Variants in BIRC3 observed in about 807,000 individuals in gnomAD.
The protein encoded by BIRC3 is baculoviral IAP repeat containing 3.
In BIRC3, 26 loss-of-function variants were observed where a neutral mutation model predicts 59.0. The observed-to-expected ratio is 0.44, with a 90% CI of 0.32 to 0.61. The LOEUF is 0.61. Ranked by LOEUF, BIRC3 falls within the 20% of genes least tolerant of loss-of-function variation. BIRC3 has a pLI of 0.04. For missense variants in BIRC3, 641 were observed against 711.5 expected (o/e 0.90, Z 1.13); for synonymous variants, 243 against 249.2 (o/e 0.98, Z 0.24).
At chr11:102,329,950 GA>G (rs1321085540) in intron 5 of BIRC3, among the ~76,000 whole-genome samples, 1 of 152,054 alleles carries the variant, frequency 6.6e-6, no homozygotes, top group East Asian at 1.9e-4. Flanking sequence ...TTAAAAAAAG[GA>G]AAAAAAGAAT....
At chr11:102,330,924 G>T (rs559679880) in intron 5 of BIRC3, 75 bp from the exon 6 acceptor site, 201 of 1,403,316 alleles carry the variant, frequency 1.4e-4, no homozygotes, top group Non-Finnish European at 1.7e-4. Flanking sequence ...TTCAATTTTT[G>T]ATTTCATTTC....
At position 102,325,274 on chromosome 11, in the gene BIRC3, T is replaced by C. The variant is rs967841484; in HGVS notation, c.765T>C (p.His255=). Residue 255 remains histidine, a synonymous_variant, in exon 2 of 9, where the codon CAT becomes CAC. Coordinates refer to ENST00000263464, the MANE Select transcript of BIRC3 (RefSeq NM_001165.5). ...YTVSNLSMQT[H]AARFKTFFNW... ...TTTCTAATCTGAGCATGCAGACACATGCAGCCCGCTTTAAAACATTCTTTA... is the reference window on the plus strand; with the variant it reads ...TTTCTAATCTGAGCATGCAGACACACGCAGCCCGCTTTAAAACATTCTTTA... The C allele has an allele frequency of 1.9e-6, 3 of 1,614,192 alleles. No homozygotes were observed.
chr11:102,329,790 G>A (rs1951120908), intron 5 of BIRC3, among the ~76,000 whole-genome samples: 2 of 152,160 alleles, frequency 1.3e-5, no homozygotes, highest in South Asian at 2.1e-4. Flanking sequence ...CTGTTGTGGG[G>A]TAGGGGGATG....
chr11:102,331,951 T>A (rs866213332), intron 6 of BIRC3, among the ~76,000 whole-genome samples: 2 of 152,186 alleles, frequency 1.3e-5, no homozygotes, highest in African/African-American at 4.8e-5. Flanking sequence ...GGATGGTTAT[T>A]AATTTTAATG....
Position 102,325,281 on chromosome 11 carries a change from C to G in BIRC3, c.772C>G (p.Arg258Gly). Residue 258 changes from arginine to glycine, a missense_variant, in exon 2 of 9, where the codon CGC (arginine) becomes GGC (glycine). Physicochemically the swap from Arg to Gly is moderately radical, Grantham distance 125. Transcript: ENST00000263464. ...TCTGAGCATGCAGACACATGCAGCC[C>G]GCTTTAAAACATTCTTTAACTGGCC... ...SNLSMQTHAA[R>G]FKTFFNWPSS... 6.2e-7 allele frequency: 1 copy of G among 1,614,078 alleles called. No homozygotes were observed. The highest frequency in any genetic ancestry group is 8.5e-7 in the Non-Finnish European group (1 of 1,180,006).
chr11:102,321,948 C>G lies in BIRC3; in HGVS notation c.-2562C>G, dbSNP rs1019190191. ...TCCTTAAAGGGACTTAGTCTAATCT[C>G]GGGAGGTAGTTTTGTGCATGGGTAA... On this transcript the variant is annotated 5_prime_UTR_variant, in exon 2 of 9. Coordinates refer to ENST00000263464, the MANE Select transcript of BIRC3 (RefSeq NM_001165.5). The G allele has an allele frequency of 7.9e-5, 15 of 189,602 alleles. No homozygotes were observed. Among genetic ancestry groups the G allele is most frequent in the Non-Finnish European group, 1.7e-4 (15 of 90,368 alleles). The allele number at this position is 189,602 out of a possible 1,614,324, so 11.7% of individuals were successfully genotyped here.
Position 102,322,189 on chromosome 11 carries a change from G to A in BIRC3, c.-2321G>A, listed in dbSNP as rs1591519183. The A allele has an allele frequency of 4.8e-6, 1 of 206,506 alleles. No individual in the cohort carries two copies. Among genetic ancestry groups the A allele is most frequent in the South Asian group, 1.9e-4 (1 of 5,300 alleles). 12.8% of individuals were successfully genotyped at this position (206,506 alleles called of 1,614,324 possible). A position where few individuals can be genotyped will look rare whatever the true frequency, so the allele number is the denominator to read the frequency against. On this transcript the variant is annotated 5_prime_UTR_variant, in exon 2 of 9. Transcript: ENST00000263464. ...GCACATTCTCCCATTATGTAGAATA[G>A]AAATAGTACCTGTGTTTGGGAAAGA...
chr11:102,321,987 T>C lies in BIRC3; in HGVS notation c.-2523T>C, dbSNP rs926280355. ...GTGCATGGGTAAACAAATTAAGTAT[T>C]AACTGGTGTTTTACTATCCAAAGAA... On this transcript the variant is annotated 5_prime_UTR_variant, in exon 2 of 9. An upstream open reading frame in the 5' UTR loses its in-frame stop. Coordinates refer to ENST00000263464, the MANE Select transcript of BIRC3 (RefSeq NM_001165.5). The C allele has an allele frequency of 2.1e-5, 4 of 192,796 alleles. No homozygotes were observed. The highest frequency in any genetic ancestry group is 3.3e-5 in the Non-Finnish European group (3 of 92,192). The allele number at this position is 192,796 out of a possible 1,614,324, so 11.9% of individuals were successfully genotyped here.
chr11:102,318,168 C>T (rs888519548), intron 1 of BIRC3, among the ~76,000 whole-genome samples: 1 of 152,142 alleles, frequency 6.6e-6, no homozygotes, highest in African/African-American at 2.4e-5. Flanking sequence ...CTGCTATGTG[C>T]TAGGTTTGTC....
chr11:102,336,855 T>A lies in BIRC3; in HGVS notation c.1621+54T>A, dbSNP rs1777227676. Reference sequence around the variant, plus strand: ...GAGAACATTGTCTTTATTTTCTTAGTTTTTCACTGAAGAAGCAAACTGCCT... The same window carrying A: ...GAGAACATTGTCTTTATTTTCTTAGATTTTCACTGAAGAAGCAAACTGCCT... On this transcript the variant is annotated intron_variant, in intron 8 of 8. Transcript: ENST00000263464. 3.1e-6 allele frequency: 5 copies of A among 1,588,428 alleles called. No homozygotes were observed. In the Middle Eastern group the frequency reaches 5.0e-4, roughly 159 times the overall value.
At position 102,325,044 on chromosome 11, in the gene BIRC3, T is replaced by C; in HGVS notation, c.535T>C (p.Trp179Arg). 6.2e-6 allele frequency: 10 copies of C among 1,614,200 alleles called. No individual in the cohort carries two copies. The highest frequency in any genetic ancestry group is 8.5e-6 in the Non-Finnish European group (10 of 1,180,020). Reference sequence around the variant, plus strand: ...TGCCAGATTACTTACTTTTCAGACATGGCCATTGACTTTTCTGTCGCCAAC... The same window carrying C: ...TGCCAGATTACTTACTTTTCAGACACGGCCATTGACTTTTCTGTCGCCAAC... ...ENARLLTFQT[W>R]PLTFLSPTDL... The change falls in exon 2 of 9, where the codon TGG becomes CGG. Residue 179 changes from tryptophan to arginine, a missense_variant. Around this residue, in one of 4 missense-constraint regions of BIRC3, gnomAD observed 329 missense variants for 365.6 expected, o/e 0.90. Coordinates refer to ENST00000263464, the MANE Select transcript of BIRC3 (RefSeq NM_001165.5).
intron 1 of BIRC3, among the ~76,000 whole-genome samples, chr11:102,319,677 G>A (rs1951011385): frequency 6.6e-6 from 1 of 152,152 alleles, no homozygotes. Context: ...AGAAATTTGA[G>A]GAAGGTGTTG....
In BIRC3 at chr11:102,337,460, C is replaced by A; in HGVS notation, c.*358C>A. ...TGTACTAATACCGGGAACATGAAGC[C>A]AGGTGTGGTGGTATGTGCCTGTAGT... On this transcript the variant is annotated 3_prime_UTR_variant, in exon 9 of 9. Transcript: ENST00000263464. 2.5e-6 allele frequency: 1 copy of A among 398,336 alleles called. No homozygotes were observed. The highest frequency in any genetic ancestry group is 1.3e-4 in the South Asian group (1 of 7,928). The allele number at this position is 398,336 out of a possible 1,614,324, so 24.7% of individuals were successfully genotyped here.
At chr11:102,336,529 G>A in intron 7 of BIRC3, 1 of 574,678 alleles carries the variant, frequency 1.7e-6, no homozygotes, top group South Asian at 2.3e-5. Flanking sequence ...GAGAGATAGA[G>A]GCTCCCATGA....
At chr11:102,319,563 G>A (rs17882676) in intron 1 of BIRC3, among the ~76,000 whole-genome samples, 11 of 152,172 alleles carry the variant, frequency 7.2e-5, no homozygotes, top group Admixed American at 2.0e-4. Flanking sequence ...GAGCCAAAAC[G>A]GCTTGGATAT....
chr11:102,338,669 G>C lies in BIRC3; in HGVS notation c.*1567G>C. ...CCTGGATATAGGGCAGGGCCTGTAT[G>C]GGATGGGGATATTATAACCTGCTAT... On this transcript the variant is annotated 3_prime_UTR_variant, in exon 9 of 9. Transcript: ENST00000263464. 1 of 229,226 alleles carries C rather than the reference G, an allele frequency of 4.4e-6. No individual in the cohort carries two copies. Among genetic ancestry groups the C allele is most frequent in the East Asian group, 6.2e-5 (1 of 16,090 alleles). The allele number at this position is 229,226 out of a possible 1,614,324, so 14.2% of individuals were successfully genotyped here.
chr11:102,336,766 AG>A lies in BIRC3; in HGVS notation c.1588del (p.Asp530ThrfsTer2). On this transcript the variant is annotated frameshift_variant, in exon 8 of 9. Transcript: ENST00000263464. LOFTEE classifies it high-confidence loss of function. ...AVLYEHLFVQ[Q>X]DIKYIPTEDV... ...TTTTCTTTTTCTCCCTTAGTGCAAC[AG>A]GACATAAAATATATTCCCACAGAAG... is the stretch of plus-strand genomic sequence containing the variant. 1 of 1,607,316 alleles carries A rather than the reference AG, an allele frequency of 6.2e-7. No homozygotes were observed.
chr11:102,333,581 A>G (rs17879136), intron 6 of BIRC3, among the ~76,000 whole-genome samples: 5 of 151,640 alleles, frequency 3.3e-5, no homozygotes, highest in African/African-American at 4.8e-5. Flanking sequence ...AGAAAAAAAA[A>G]AAAGAAAGAA....
At chr11:102,326,930 A>C in intron 3 of BIRC3, 1 of 359,770 alleles carries the variant, frequency 2.8e-6, no homozygotes, top group Non-Finnish European at 5.5e-6. Context: ...CTGGTCTCAA[A>C]CTCCTGACCT....
Sources: gnomAD v4.1 joint callset for allele counts (sites outside exome capture counted in the v4.1 genomes callset) on GRCh38, gnomAD v4.1.1 for gene constraint, gnomAD v4.1.1 regional missense constraint, MANE v1.5 for transcripts, NCBI Gene and HGNC (gene_info 2026-07-23, HGNC 2026-07-21) for gene names.